Variants in EPHX2 observed in about 807,000 individuals in gnomAD.
EPHX2 encodes epoxide hydrolase 2, also known as bifunctional epoxide hydrolase 2.
In EPHX2, 74 loss-of-function variants were observed where a neutral mutation model predicts 78.7. The ratio of observed to expected loss-of-function variants is 0.94; its 90% CI spans 0.78 to 1.14. The LOEUF (loss-of-function observed/expected upper bound fraction) is 1.14. Ranked by LOEUF, EPHX2 falls within the 50% of genes most tolerant of loss-of-function variation. The pLI is 0.00. For synonymous variants in EPHX2, 251 were observed against 255.2 expected, an observed-to-expected ratio of 0.98 and a Z score of 0.16; for missense variants, 715 against 702.5, an observed-to-expected ratio of 1.02 and a Z score of -0.20.
At chr8:27,530,494 A>G (rs1218714174) in intron 12 of EPHX2, among the ~76,000 whole-genome samples, 3 of 152,198 alleles carry the variant, frequency 2.0e-5, no homozygotes, top group Non-Finnish European at 2.9e-5. Flanking sequence ...GCACACACAC[A>G]TATATAATTT....
intron 12 of EPHX2, among the ~76,000 whole-genome samples, chr8:27,533,961 G>T (rs1815128394): frequency 6.6e-6 from 1 of 152,132 alleles, no homozygotes; most frequent in Non-Finnish European, 1.5e-5. Context: ...GCCCTGTCCA[G>T]GCTTCCATGG....
intron 11 of EPHX2, among the ~76,000 whole-genome samples, chr8:27,524,894 G>A (rs1158166416): frequency 6.6e-6 from 1 of 151,936 alleles, no homozygotes; most frequent in Admixed American, 6.6e-5. Context: ...GGATAAAAAC[G>A]ATATTTTATT....
In EPHX2 at chr8:27,503,647, C is replaced by A. The variant is rs1173652143; in HGVS notation, c.230C>A (p.Thr77Asn). ...MEENCRKCSETAKVCLPKNFS... is the reference protein window; with the variant it reads ...MEENCRKCSENAKVCLPKNFS... ...GAAAACTGCAGGAAGTGCTCCGAGACCGCTAAAGTCTGCCTCCCCAAGAAT... is the reference window on the plus strand; with the variant it reads ...GAAAACTGCAGGAAGTGCTCCGAGAACGCTAAAGTCTGCCTCCCCAAGAAT... The change falls in exon 3 of 19, where the codon ACC becomes AAC. Residue 77 changes from threonine (T) to asparagine (N), a missense_variant. Thr to Asn is a moderately conservative substitution (Grantham distance 65). Coordinates refer to ENST00000521400, the MANE Select transcript of EPHX2 (RefSeq NM_001979.6). 1.2e-6 allele frequency: 2 copies of A among 1,613,624 alleles called. No homozygotes were observed. Among genetic ancestry groups the A allele is most frequent in the East Asian group, 2.2e-5 (1 of 44,898 alleles).
At chr8:27,534,940 T>C (rs1250528706) in intron 12 of EPHX2, among the ~76,000 whole-genome samples, 1 of 152,128 alleles carries the variant, frequency 6.6e-6, no homozygotes, top group Non-Finnish European at 1.5e-5. Flanking sequence ...AAGGCCAAAC[T>C]AATAGAAGTC....
chr8:27,510,762 TG>T (rs1312747991), intron 5 of EPHX2, among the ~76,000 whole-genome samples: 1 of 151,780 alleles, frequency 6.6e-6, no homozygotes, highest in Non-Finnish European at 1.5e-5. Context: ...GAGGCCAGCC[TG>T]GGCAACATAG....
chr8:27,508,104 C>G (rs562549567), intron 5 of EPHX2, among the ~76,000 whole-genome samples: 5 of 152,196 alleles, frequency 3.3e-5, no homozygotes, highest in East Asian at 3.9e-4. Flanking sequence ...AGTTCGAGAC[C>G]AACCTGGCCA....
At chr8:27,511,000 T>C (rs765332992) in intron 5 of EPHX2, among the ~76,000 whole-genome samples, 21 of 151,844 alleles carry the variant, frequency 1.4e-4, no homozygotes, top group Non-Finnish European at 2.8e-4. Context: ...ACCCAGGGCA[T>C]GAGGACACAA....
chr8:27,542,945 CTT>C, intron 16 of EPHX2, among the ~76,000 whole-genome samples: 1 of 152,144 alleles, frequency 6.6e-6, no homozygotes, highest in East Asian at 1.9e-4. Context: ...CCCAGCCTCT[CTT>C]CTGCAGTTTC....
chr8:27,513,552 G>A (rs925520469), intron 6 of EPHX2, among the ~76,000 whole-genome samples: 2 of 152,172 alleles, frequency 1.3e-5, no homozygotes, highest in Admixed American at 6.5e-5. Context: ...TGAATTTCTG[G>A]GGAGTCCCAG....
At chr8:27,538,311 C>T (rs905411402) in intron 13 of EPHX2, among the ~76,000 whole-genome samples, 4 of 152,174 alleles carry the variant, frequency 2.6e-5, no homozygotes, top group African/African-American at 9.7e-5. Flanking sequence ...TGGAATATCA[C>T]ATCTTCAACT....
chr8:27,497,480 T>C (rs940252069), intron 1 of EPHX2, among the ~76,000 whole-genome samples: 1 of 152,258 alleles, frequency 6.6e-6, no homozygotes, highest in Non-Finnish European at 1.5e-5. Flanking sequence ...TGACTAAGGC[T>C]GCGGCCTTTC....
intron 12 of EPHX2, among the ~76,000 whole-genome samples, chr8:27,526,570 A>G (rs1263428058): frequency 1.3e-5 from 2 of 152,170 alleles, no homozygotes; most frequent in African/African-American, 4.8e-5. Flanking sequence ...GGCTGCCATA[A>G]CAAAGGCTAG....
chr8:27,523,969 A>C (rs1465624496), intron 11 of EPHX2, among the ~76,000 whole-genome samples: 5 of 143,222 alleles, frequency 3.5e-5, no homozygotes, highest in African/African-American at 5.2e-5. Flanking sequence ...GTCTCACTCC[A>C]TTGTCCAGGC....
chr8:27,498,170 A>C (rs1813641793), intron 1 of EPHX2, among the ~76,000 whole-genome samples: 1 of 152,220 alleles, frequency 6.6e-6, no homozygotes, highest in Non-Finnish European at 1.5e-5. Flanking sequence ...GCTTTAAATC[A>C]GAGAGGGAGA....
At chr8:27,540,493 A>G (rs1815362116) in intron 14 of EPHX2, 61 bp from the exon 15 acceptor site, 1 of 1,477,912 alleles carries the variant, frequency 6.8e-7, no homozygotes, top group Non-Finnish European at 9.5e-7. Context: ...TGAGGTCCCC[A>G]CCTTAAAATG....
chr8:27,501,086 C>A, intron 2 of EPHX2, 76 bp downstream of exon 2: 1 of 1,333,344 alleles, frequency 7.5e-7, no homozygotes, highest in Non-Finnish European at 1.1e-6. Context: ...GAACTTGGGG[C>A]CCACCATAAT....
chr8:27,524,516 G>A (rs1482017778), intron 11 of EPHX2, among the ~76,000 whole-genome samples: 2 of 152,056 alleles, frequency 1.3e-5, no homozygotes, highest in Non-Finnish European at 2.9e-5. Context: ...TCATGTCTAG[G>A]CTCCCCACTG....
At position 27,500,926 on chromosome 8, in the gene EPHX2, A is replaced by G; in HGVS notation, c.102A>G (p.Arg34=). 6.2e-7 allele frequency: 1 copy of G among 1,612,562 alleles called. No individual in the cohort carries two copies. Among genetic ancestry groups the G allele is most frequent in the Non-Finnish European group, 8.5e-7 (1 of 1,179,316 alleles). Residue 34 remains arginine (R), a splice_region_variant and synonymous_variant, in exon 2 of 19, where the codon AGA becomes AGG. Coordinates refer to ENST00000521400, the MANE Select transcript of EPHX2 (RefSeq NM_001979.6). Reference sequence around the variant, plus strand: ...TCCTGATGTTCTTTGTGTTTTCCAGAGGACTTCTGAATGATGCTTTCCAGA... The same window carrying G: ...TCCTGATGTTCTTTGTGTTTTCCAGGGGACTTCTGAATGATGCTTTCCAGA... ...GRTEEALALP[R]GLLNDAFQKG... is the part of the protein sequence containing the mutation.
At chr8:27,540,744 TCTC>T (rs1048609042) in intron 15 of EPHX2, 88 bp downstream of exon 15, 6 of 1,271,146 alleles carry the variant, frequency 4.7e-6, no homozygotes, top group East Asian at 2.3e-5. Flanking sequence ...GAGGCCCAGT[TCTC>T]CTCCACCACA....
Sources: allele counts gnomAD v4.1 joint callset (sites outside exome capture counted in the v4.1 genomes callset), GRCh38; gene constraint gnomAD v4.1.1; transcripts MANE v1.5; gene names NCBI Gene and HGNC (gene_info 2026-07-23, HGNC 2026-07-21).